The following WDFY3 variants were observed in gnomAD, a reference collection of about 807,000 sequenced individuals.
The protein encoded by WDFY3 is WD repeat and FYVE domain containing 3, also known as WD repeat and FYVE domain-containing protein 3.
Under a neutral mutation model 409.6 loss-of-function variants are expected in WDFY3, and 66 were observed. The observed-to-expected ratio is 0.16, with a 90% confidence interval of 0.13 to 0.20. The LOEUF (loss-of-function observed/expected upper bound fraction) is 0.20. Among genes scored for constraint, WDFY3 ranks in the 10% least tolerant of loss-of-function variants. WDFY3 has a pLI of 1.00. For synonymous variants in WDFY3, 1,521 were observed against 1,537.1 expected (o/e 0.99, Z 0.25); for missense variants, 3,031 against 4,298.1 (o/e 0.71, Z 8.24).
intron 7 of WDFY3, among the ~76,000 whole-genome samples, chr4:84,832,086 A>C (rs2149936103): frequency 6.6e-6 from 1 of 152,292 alleles, no homozygotes; most frequent in South Asian, 2.1e-4. Context: ...TTTAGAATCA[A>C]CCTAAGTATC....
rs1760477335 is a variant in WDFY3, at chr4:84,860,646, A to T, written c.-31-24T>A. 5 of 1,490,244 alleles carry T rather than the reference A, an allele frequency of 3.4e-6. No individual in the cohort carries two copies. In the South Asian group the frequency reaches 6.9e-5, roughly 21 times the overall value. The allele number at this position is 1,490,244 out of a possible 1,614,324, so 92.3% of individuals were successfully genotyped here. A position where few individuals can be genotyped will look rare whatever the true frequency, so the allele number is the denominator to read the frequency against. Reference sequence around the variant, plus strand: ...TTCTGTAGGAAAATGTCAATACATGAACAGTCAAAACATCATCATCTTGAC... The same window carrying T: ...TTCTGTAGGAAAATGTCAATACATGTACAGTCAAAACATCATCATCTTGAC... On this transcript the variant is annotated intron_variant, in intron 3 of 67. Transcript: ENST00000295888.
chr4:84,726,960 G>C (rs753249803), intron 44 of WDFY3, 49 bp from the exon 45 acceptor site: 5 of 1,520,506 alleles, frequency 3.3e-6, no homozygotes, highest in Non-Finnish European at 4.4e-6. Context: ...AAAACATAAA[G>C]AGGAACACAA....
intron 2 of WDFY3, among the ~76,000 whole-genome samples, chr4:84,924,070 A>G (rs776360183): frequency 2.6e-5 from 4 of 152,218 alleles, no homozygotes; most frequent in South Asian, 4.1e-4. Flanking sequence ...TAATGGGGGA[A>G]GCACTCAGGC....
At chr4:84,914,444 CAAAAA>C (rs1311188503) in intron 2 of WDFY3, among the ~76,000 whole-genome samples, 18 of 150,358 alleles carry the variant, frequency 1.2e-4, no homozygotes, top group African/African-American at 3.9e-4. Flanking sequence ...CAAAACAAAA[CAAAAA>C]AAAATAGGTT....
Position 84,739,100 on chromosome 4 carries a change from G to A in WDFY3, c.6484C>T (p.Leu2162=). 6.2e-7 allele frequency: 1 copy of A among 1,614,082 alleles called. No individual in the cohort carries two copies. Among genetic ancestry groups the A allele is most frequent in the Non-Finnish European group, 8.5e-7 (1 of 1,179,972 alleles). Residue 2162 remains leucine, a synonymous_variant, in exon 40 of 68, where the codon CTG becomes TTG. Coordinates refer to ENST00000295888, the MANE Select transcript of WDFY3 (RefSeq NM_014991.6). ...GTGGTCATGCGGGCTTCTGCTTCCA[G>A]TCCAAATCCATCCACGTTGCTGAAA... The part of the protein sequence containing the change: ...HVGSNVDGFG[L]EAEARMTTWH...
At chr4:84,673,227 G>A (rs1233010431) in intron 67 of WDFY3, among the ~76,000 whole-genome samples, 2 of 152,034 alleles carry the variant, frequency 1.3e-5, no homozygotes, top group African/African-American at 4.8e-5. Flanking sequence ...TTAAAAAAAC[G>A]AAAACAAAAA....
chr4:84,839,265 G>A (rs1757005934), intron 6 of WDFY3, among the ~76,000 whole-genome samples: 1 of 151,870 alleles, frequency 6.6e-6, no homozygotes, highest in African/African-American at 2.4e-5. Flanking sequence ...ATTATATAAA[G>A]TTTTAATAGC....
Position 84,796,687 on chromosome 4 carries a change from G to A in WDFY3, c.3001C>T (p.His1001Tyr), listed in dbSNP as rs1749505916. 3.7e-6 allele frequency: 6 copies of A among 1,614,086 alleles called. No homozygotes were observed. Among genetic ancestry groups the A allele is most frequent in the Non-Finnish European group, 5.1e-6 (6 of 1,180,000 alleles). ...ACCAGGCTCTTGCTTATCCGGTAAT[G>A]GTTATCTTCATGTAAGCTAAAAACA... ...DNVFSLHEDN[H>Y]YRISKSLVKS... The change falls in exon 19 of 68, where the codon CAT (histidine) becomes TAT (tyrosine). Residue 1001 changes from histidine to tyrosine, a missense_variant. His to Tyr is a moderately conservative substitution (Grantham distance 83). This residue lies in a region of WDFY3 where 1,322 missense variants were observed against 1,697.9 expected (regional missense o/e 0.78). Coordinates refer to ENST00000295888, the MANE Select transcript of WDFY3 (RefSeq NM_014991.6).
chr4:84,776,716 TA>T (rs1745604478), intron 27 of WDFY3, among the ~76,000 whole-genome samples: 1 of 152,128 alleles, frequency 6.6e-6, no homozygotes, highest in Non-Finnish European at 1.5e-5. Flanking sequence ...GTAACTAATA[TA>T]GTGTTTGCCT....
chr4:84,921,646 A>ATTTTTTTTTTTTTTTTTTTTTTTT (rs747576197), intron 2 of WDFY3, among the ~76,000 whole-genome samples: 1 of 78,666 alleles, frequency 1.3e-5, no homozygotes, highest in Non-Finnish European at 2.4e-5. Context: ...TATTGCTTTC[A>ATTTTTTTTTTTTTTTTTTTTTTTT]TTTTTTTTTT....
intron 8 of WDFY3, 140 bp downstream of exon 8, chr4:84,831,272 AT>A (rs1428074187): frequency 1.5e-6 from 1 of 649,458 alleles, no homozygotes; most frequent in Non-Finnish European, 2.3e-6. Context: ...ATGAAAAAAA[AT>A]ATTTTCTTTT....
intron 36 of WDFY3, among the ~76,000 whole-genome samples, chr4:84,744,047 A>G (rs994148989): frequency 2.0e-5 from 3 of 148,826 alleles, no homozygotes; most frequent in African/African-American, 7.3e-5. Flanking sequence ...TTTAAAACAT[A>G]GTATTCTAAA....
At position 84,690,601 on chromosome 4, in the gene WDFY3, G is replaced by A. The variant is rs1729097174; in HGVS notation, c.9268C>T (p.Pro3090Ser). 2 of 1,614,120 alleles carry A rather than the reference G, an allele frequency of 1.2e-6. No individual in the cohort carries two copies. Among genetic ancestry groups the A allele is most frequent in the Non-Finnish European group, 1.7e-6 (2 of 1,180,032 alleles). Residue 3090 changes from proline to serine, a missense_variant, in exon 61 of 68, where the codon CCC (proline) becomes TCC (serine). By Grantham distance (74) the Pro-to-Ser change is moderately conservative (BLOSUM62 -1). Coordinates refer to ENST00000295888, the MANE Select transcript of WDFY3 (RefSeq NM_014991.6). The part of the protein sequence containing the change: ...GQILCAICPN[P>S]KLVITGGTST... ...GTTCCACCCGTGATGACCAGCTTGGGGTTGGGGCAGATTGCACAGAGAATC... is the reference window on the plus strand; with the variant it reads ...GTTCCACCCGTGATGACCAGCTTGGAGTTGGGGCAGATTGCACAGAGAATC...
intron 30 of WDFY3, among the ~76,000 whole-genome samples, chr4:84,768,806 CATTTCTTAAGGCT>C (rs1377460356): frequency 1.3e-5 from 2 of 152,170 alleles, no homozygotes; most frequent in African/African-American, 4.8e-5. Context: ...TTAAGAAATA[CATTTCTTAAGGCT>C]ATAGCTGCCA....
chr4:84,886,896 G>A (rs1391487535), intron 3 of WDFY3, among the ~76,000 whole-genome samples: 1 of 152,134 alleles, frequency 6.6e-6, no homozygotes, highest in African/African-American at 2.4e-5. Flanking sequence ...GTATTTTGGA[G>A]TCATCACAAC....
chr4:84,931,876 CAAA>C (rs1770809375), intron 2 of WDFY3, among the ~76,000 whole-genome samples: 1 of 152,056 alleles, frequency 6.6e-6, no homozygotes, highest in Non-Finnish European at 1.5e-5. Flanking sequence ...ACTAGTCACT[CAAA>C]GAAACTACAA....
At chr4:84,695,866 TA>T in intron 58 of WDFY3, 103 bp downstream of exon 58, 1 of 1,109,468 alleles carries the variant, frequency 9.0e-7, no homozygotes, top group Non-Finnish European at 1.3e-6. Flanking sequence ...TATGGCTCTT[TA>T]TTAAGTTAAT....
chr4:84,751,030 G>A (rs915898143), intron 36 of WDFY3, among the ~76,000 whole-genome samples: 12 of 152,264 alleles, frequency 7.9e-5, no homozygotes, highest in Non-Finnish European at 1.3e-4. Flanking sequence ...TTAATGTCCA[G>A]GGAAGGGGTT....
At chr4:84,942,267 A>C (rs1772241836) in intron 1 of WDFY3, among the ~76,000 whole-genome samples, 1 of 152,096 alleles carries the variant, frequency 6.6e-6, no homozygotes, top group African/African-American at 2.4e-5. Context: ...TAAGCCAAAA[A>C]CTGGGAGAAA....
Sources: allele counts gnomAD v4.1 joint callset (sites outside exome capture counted in the v4.1 genomes callset), GRCh38; gene constraint gnomAD v4.1.1; regional missense constraint gnomAD v4.1.1; transcripts MANE v1.5; gene names NCBI Gene and HGNC (gene_info 2026-07-23, HGNC 2026-07-21).